Variants in E2F7 observed in about 807,000 individuals in gnomAD.
The protein encoded by E2F7 is transcription factor E2F7.
In E2F7, 35 loss-of-function variants were observed where a neutral mutation model predicts 81.1. The ratio of observed to expected loss-of-function variants is 0.43; its 90% CI spans 0.33 to 0.57. The LOEUF (loss-of-function observed/expected upper bound fraction) is 0.57. Among genes scored for constraint, E2F7 ranks in the 20% least tolerant of loss-of-function variants. E2F7 has a pLI of 0.04. For missense variants in E2F7, 961 were observed against 1,093.7 expected (o/e 0.88, Z 1.71); for synonymous variants, 416 against 416.2 (o/e 1.00, Z 0.01).
Position 77,023,954 on chromosome 12 carries a change from GC to G in E2F7, c.*60del. 1 of 1,574,736 alleles carries G rather than the reference GC, an allele frequency of 6.4e-7. No individual in the cohort carries two copies. Among genetic ancestry groups the G allele is most frequent in the Non-Finnish European group, 8.6e-7 (1 of 1,161,450 alleles). ...CTCAGGACGGGATGGTTTGCATCCC[GC>G]CTCGGACATCCGGGACTCTCAGGGC... On this transcript the variant is annotated 3_prime_UTR_variant, in exon 13 of 13. Coordinates refer to ENST00000322886, the MANE Select transcript of E2F7 (RefSeq NM_203394.3).
At chr12:77,037,318 T>C (rs1176700692) in intron 7 of E2F7, among the ~76,000 whole-genome samples, 3 of 152,148 alleles carry the variant, frequency 2.0e-5, no homozygotes, top group Non-Finnish European at 4.4e-5. Context: ...GGGCCAGGCA[T>C]AGTAGTTCAC....
chr12:77,041,749 C>A (rs780898719), intron 7 of E2F7, among the ~76,000 whole-genome samples: 2 of 152,178 alleles, frequency 1.3e-5, no homozygotes, highest in African/African-American at 2.4e-5. Flanking sequence ...GCCTACAGAG[C>A]CAGTACCACC....
chr12:77,056,619 A>G (rs1381568621), intron 2 of E2F7, among the ~76,000 whole-genome samples: 2 of 152,316 alleles, frequency 1.3e-5, no homozygotes, highest in Non-Finnish European at 2.9e-5. Context: ...AAGCCAACCT[A>G]GAGAGCTCTC....
At chr12:77,029,131 G>A (rs1954782951) in intron 10 of E2F7, among the ~76,000 whole-genome samples, 1 of 152,140 alleles carries the variant, frequency 6.6e-6, no homozygotes, top group Non-Finnish European at 1.5e-5. Context: ...CTTCTGATCT[G>A]CAACCCCAGG....
At chr12:77,030,868 G>A (rs1220911766) in intron 9 of E2F7, among the ~76,000 whole-genome samples, 1 of 152,072 alleles carries the variant, frequency 6.6e-6, no homozygotes, top group Non-Finnish European at 1.5e-5. Flanking sequence ...TGTGAGAGAC[G>A]CTGGGAGAGT....
intron 2 of E2F7, among the ~76,000 whole-genome samples, chr12:77,057,794 C>T (rs1034226531): frequency 2.0e-5 from 3 of 152,174 alleles, no homozygotes; most frequent in Admixed American, 6.5e-5. Context: ...AAAGATTCTG[C>T]TCTTTCTGTA....
At chr12:77,029,647 C>T (rs893464600) in intron 10 of E2F7, among the ~76,000 whole-genome samples, 184 bp downstream of exon 10, 9 of 152,146 alleles carry the variant, frequency 5.9e-5, no homozygotes, top group African/African-American at 1.9e-4. Flanking sequence ...TAAAAATCAC[C>T]TTTCTTATGC....
chr12:77,058,949 G>A (rs928910440), intron 2 of E2F7, among the ~76,000 whole-genome samples: 10 of 152,234 alleles, frequency 6.6e-5, no homozygotes, highest in Non-Finnish European at 1.2e-4. Context: ...GGCACAATGC[G>A]TTGCCCACTG....
Position 77,028,077 on chromosome 12 carries a change from G to T in E2F7, c.1946C>A (p.Pro649His). Residue 649 changes from proline to histidine, a missense_variant, in exon 11 of 13, where the codon CCC becomes CAC. Pro to His is a moderately conservative substitution (Grantham distance 77). This residue lies in a region of E2F7 where 587 missense variants were observed against 620.3 expected (regional missense o/e 0.95). Coordinates refer to ENST00000322886, the MANE Select transcript of E2F7 (RefSeq NM_203394.3). ...PKTMGNRASI[P>H]LKDIHVNGQL... is the part of the protein sequence containing the mutation. ...GCCATTCACATGAATGTCTTTGAGG[G>T]GTATAGATGCCCTGTTACCCATAGT... The T allele has an allele frequency of 6.2e-7, 1 of 1,614,190 alleles. No individual in the cohort carries two copies. Among genetic ancestry groups the T allele is most frequent in the Non-Finnish European group, 8.5e-7 (1 of 1,180,040 alleles).
rs1275403370 is a variant in E2F7 at position 77,029,764 on chromosome 12, A to G, written c.1884+67T>C. 1.5e-5 allele frequency: 24 copies of G among 1,580,744 alleles called. No individual in the cohort carries two copies. The East Asian group carries it at 2.7e-4, about 18-fold the overall frequency. On this transcript the variant is annotated intron_variant, in intron 10 of 12. Coordinates refer to ENST00000322886, the MANE Select transcript of E2F7 (RefSeq NM_203394.3). ...CTCCATTGCTTATTAATATCAGTGTATCTTCATTAGGAAGAAGCTCAGGGC... is the reference window on the plus strand; with the variant it reads ...CTCCATTGCTTATTAATATCAGTGTGTCTTCATTAGGAAGAAGCTCAGGGC...
chr12:77,050,842 C>T (rs746551873), intron 3 of E2F7, 98 bp from the exon 4 acceptor site: 1 of 1,144,656 alleles, frequency 8.7e-7, no homozygotes, highest in Non-Finnish European at 1.2e-6. Flanking sequence ...GGGGACATCT[C>T]AATCCATACC....
chr12:77,055,355 CTT>C (rs78320507), intron 3 of E2F7, among the ~76,000 whole-genome samples: 140 of 141,584 alleles, frequency 9.9e-4, no homozygotes, highest in Admixed American at 1.2e-3. Context: ...AAATAATTAC[CTT>C]TTTTTTTTTT....
At chr12:77,027,846 G>A (rs1310435801) in intron 11 of E2F7, 37 bp downstream of exon 11, 1 of 1,602,652 alleles carries the variant, frequency 6.2e-7, no homozygotes, top group South Asian at 1.1e-5. Context: ...TGATCTGACT[G>A]CCGCAAGGGA....
At chr12:77,043,582 C>T (rs972773341) in intron 6 of E2F7, among the ~76,000 whole-genome samples, 2 of 151,904 alleles carry the variant, frequency 1.3e-5, no homozygotes, top group African/African-American at 2.4e-5. Flanking sequence ...GAGACTGTGG[C>T]GCCAGCTCCA....
intron 2 of E2F7, among the ~76,000 whole-genome samples, chr12:77,057,868 C>T (rs1955046605): frequency 6.6e-6 from 1 of 152,178 alleles, no homozygotes; most frequent in Non-Finnish European, 1.5e-5. Context: ...TCAGTCACTC[C>T]TTCCCTGTAC....
chr12:77,046,593 A>C (rs1304447690), intron 4 of E2F7, among the ~76,000 whole-genome samples: 1 of 152,244 alleles, frequency 6.6e-6, no homozygotes, highest in Non-Finnish European at 1.5e-5. Context: ...TCTGACAAAC[A>C]GTACAGCAAC....
intron 7 of E2F7, among the ~76,000 whole-genome samples, chr12:77,035,597 C>T (rs781732465): frequency 6.6e-6 from 1 of 152,184 alleles, no homozygotes; most frequent in Non-Finnish European, 1.5e-5. Flanking sequence ...ATCACTGTTT[C>T]CATGTAACTT....
At position 77,046,327 on chromosome 12, in the gene E2F7, A is replaced by T; in HGVS notation, c.540T>A (p.Gly180=). 6.2e-7 allele frequency: 1 copy of T among 1,607,856 alleles called. No individual in the cohort carries two copies. ...ISLDEVAVSL[G]VERRRIYDIV... ...TGTCATAGATGCGTCTCCTTTCCAC[A>T]CCTGTTTGAAAAACAGAGGCTGATG... is the stretch of plus-strand genomic sequence containing the variant. The change falls in exon 5 of 13, where the codon GGT becomes GGA. Residue 180 remains glycine (G), a splice_region_variant and synonymous_variant. Coordinates refer to ENST00000322886, the MANE Select transcript of E2F7 (RefSeq NM_203394.3).
intron 2 of E2F7, among the ~76,000 whole-genome samples, 180 bp downstream of exon 2, chr12:77,064,363 T>C (rs905829402): frequency 2.0e-5 from 3 of 152,172 alleles, no homozygotes; most frequent in Admixed American, 6.5e-5. Context: ...TATCTGAGAG[T>C]AGAATTCCAA....
Sources: gnomAD v4.1 joint callset for allele counts (sites outside exome capture counted in the v4.1 genomes callset) on GRCh38, gnomAD v4.1.1 for gene constraint, gnomAD v4.1.1 regional missense constraint, MANE v1.5 for transcripts, NCBI Gene and HGNC (gene_info 2026-07-23, HGNC 2026-07-21) for gene names.